Variants in IGFBP1 observed in about 807,000 individuals in gnomAD.
IGFBP1 encodes the protein insulin like growth factor binding protein 1, also known as insulin-like growth factor-binding protein 1.
In IGFBP1, 31 loss-of-function variants were observed where a neutral mutation model predicts 23.1. The ratio of observed to expected loss-of-function variants is 1.34; its 90% CI spans 1.01 to 1.81. The LOEUF (loss-of-function observed/expected upper bound fraction) is 1.81. IGFBP1 is among the 40% of genes most tolerant of loss of function. IGFBP1 has a pLI of 0.00. For missense variants in IGFBP1, 333 were observed against 342.2 expected, an observed-to-expected ratio of 0.97 and a Z score of 0.21; for synonymous variants, 148 against 145.5, an observed-to-expected ratio of 1.02 and a Z score of -0.13.
At chr7:45,890,982 G>A (rs753906934) in intron 2 of IGFBP1, among the ~76,000 whole-genome samples, 18 of 152,086 alleles carry the variant, frequency 1.2e-4, no homozygotes, top group Non-Finnish European at 4.4e-5. Context: ...CTCTCTAAAG[G>A]GTGTGAGAAC....
Position 45,888,987 on chromosome 7 carries a change from C to A in IGFBP1, c.335C>A (p.Ala112Asp). ...TGCGTGCAGGAGTCTGACGCCTCCG[C>A]TCCCCATGCTGCAGGTACCACAGTC... The part of the protein sequence containing the change: ...GACVQESDAS[A>D]PHAAEAGSPE... The change falls in exon 1 of 4, where the codon GCT (alanine) becomes GAT (aspartate). Residue 112 changes from alanine to aspartate, a missense_variant. Transcript: ENST00000275525. 6.6e-7 allele frequency: 1 copy of A among 1,517,490 alleles called. No individual in the cohort carries two copies. Among genetic ancestry groups the A allele is most frequent in the Non-Finnish European group, 8.8e-7 (1 of 1,139,276 alleles). 94.0% of individuals were successfully genotyped at this position (1,517,490 alleles called of 1,614,324 possible). A position where few individuals can be genotyped will look rare whatever the true frequency, so the allele number is the denominator to read the frequency against.
rs1448789856 is a variant in IGFBP1, at chr7:45,888,900, G to C, written c.248G>C (p.Ser83Thr). The C allele has an allele frequency of 6.7e-7, 1 of 1,500,740 alleles. No homozygotes were observed. The highest frequency in any genetic ancestry group is 1.5e-5 in the African/African-American group (1 of 68,906). 93.0% of individuals were successfully genotyped at this position (1,500,740 alleles called of 1,614,324 possible). ...ACTGCACGCTGCGCCCGGGGACTCA[G>C]TTGCCGCGCGCTGCCGGGGGAGCAG... ...VATARCARGL[S>T]CRALPGEQQP... Residue 83 changes from serine to threonine, a missense_variant, in exon 1 of 4, where the codon AGT becomes ACT. By Grantham distance (58) the Ser-to-Thr change is moderately conservative. Transcript: ENST00000275525.
At chr7:45,889,807 T>C (rs958344632) in intron 1 of IGFBP1, among the ~76,000 whole-genome samples, 1 of 152,152 alleles carries the variant, frequency 6.6e-6, no homozygotes, top group Non-Finnish European at 1.5e-5. Context: ...AGTGAGTGTG[T>C]GAGAGTCAGT....
rs1787032102 is a variant in IGFBP1 at position 45,888,979 on chromosome 7, C to A, written c.327C>A (p.Asp109Glu). The stretch of plus-strand genomic sequence containing the variant: ...AAGGCGCCTGCGTGCAGGAGTCTGA[C>A]GCCTCCGCTCCCCATGCTGCAGGTA... Reference protein sequence around the residue: ...RGQGACVQESDASAPHAAEAG... With the variant: ...RGQGACVQESEASAPHAAEAG... The change falls in exon 1 of 4, where the codon GAC becomes GAA. Residue 109 changes from aspartate to glutamate, a missense_variant. By Grantham distance (45) the Asp-to-Glu change is conservative. Transcript: ENST00000275525. 2 of 1,518,730 alleles carry A rather than the reference C, an allele frequency of 1.3e-6. No individual in the cohort carries two copies. Among genetic ancestry groups the A allele is most frequent in the East Asian group, 5.3e-5 (2 of 38,036 alleles). The allele number at this position is 1,518,730 out of a possible 1,614,324, so 94.1% of individuals were successfully genotyped here.
chr7:45,891,513 G>A (rs1313548979), intron 2 of IGFBP1, among the ~76,000 whole-genome samples: 3 of 152,192 alleles, frequency 2.0e-5, no homozygotes, highest in African/African-American at 7.2e-5. Flanking sequence ...GATTGCAGAG[G>A]AAAGTTATTC....
rs1787036065 is a variant in IGFBP1 at position 45,889,099 on chromosome 7, C to T, written c.349+98C>T. On this transcript the variant is annotated intron_variant, in intron 1 of 3. Transcript: ENST00000275525. ...CCTAACTACTGGGTGGGGCTGCAGC[C>T]GGGCAGGGGCTTGTCCACAACTAGA... 8 of 903,686 alleles carry T rather than the reference C, an allele frequency of 8.9e-6. No homozygotes were observed. In the South Asian group the frequency reaches 1.1e-4, roughly 13 times the overall value. 56.0% of individuals were successfully genotyped at this position (903,686 alleles called of 1,614,324 possible). A position where few individuals can be genotyped will look rare whatever the true frequency, so the allele number is the denominator to read the frequency against.
rs531622833 is a variant in IGFBP1, at chr7:45,893,079, T to C, written c.768T>C (p.Asn256=). ...ACCCCAACTGCCAGATATATTTTAA[T>C]GTACAAAACTGAAACCAGATGAAAT... is the stretch of plus-strand genomic sequence containing the variant. ...RGDPNCQIYF[N]VQN The change falls in exon 4 of 4, where the codon AAT becomes AAC. Residue 256 remains asparagine (N), a synonymous_variant. Coordinates refer to ENST00000275525, the MANE Select transcript of IGFBP1 (RefSeq NM_000596.4). 2.5e-4 allele frequency: 402 copies of C among 1,609,454 alleles called. 2 individuals carry two copies. In the South Asian group the frequency reaches 3.5e-3, roughly 14 times the overall value.
chr7:45,889,068 C>A (rs1419731470), intron 1 of IGFBP1, 67 bp downstream of exon 1: 3 of 1,248,076 alleles, frequency 2.4e-6, no homozygotes, highest in African/African-American at 1.6e-5. Flanking sequence ...CTCCCGCCCC[C>A]ACTCCCCTAA....
rs1428442215 is a variant in IGFBP1, at chr7:45,893,188, A to G, written c.*97A>G. On this transcript the variant is annotated 3_prime_UTR_variant, in exon 4 of 4. Transcript: ENST00000275525. ...CATTTATATATATATGTATATGTAT[A>G]TATATATAGTAACTACTTTTTATAC... The G allele has an allele frequency of 3.7e-6, 2 of 538,172 alleles. No individual in the cohort carries two copies. Among genetic ancestry groups the G allele is most frequent in the African/African-American group, 4.0e-5 (2 of 50,190 alleles). The allele number at this position is 538,172 out of a possible 1,614,324, so 33.3% of individuals were successfully genotyped here.
intron 2 of IGFBP1, among the ~76,000 whole-genome samples, chr7:45,891,522 T>G (rs1259834604): frequency 6.6e-6 from 1 of 152,252 alleles, no homozygotes; most frequent in East Asian, 1.9e-4. Flanking sequence ...GGAAAGTTAT[T>G]CAAAATCTAG....
intron 1 of IGFBP1, among the ~76,000 whole-genome samples, chr7:45,890,292 C>A (rs1283466468): frequency 6.6e-6 from 1 of 152,196 alleles, no homozygotes; most frequent in Non-Finnish European, 1.5e-5. Flanking sequence ...GCTTTAAAAG[C>A]AGAAACGTGG....
At position 45,893,172 on chromosome 7, in the gene IGFBP1, A is replaced by G. The variant is rs753251942; in HGVS notation, c.*81A>G. On this transcript the variant is annotated 3_prime_UTR_variant, in exon 4 of 4. Transcript: ENST00000275525. ...TACTCTAGAACATGCACATTTATATATATATGTATATGTATATATATATAG... is the reference window on the plus strand; with the variant it reads ...TACTCTAGAACATGCACATTTATATGTATATGTATATGTATATATATATAG... 29 of 757,838 alleles carry G rather than the reference A, an allele frequency of 3.8e-5. No individual in the cohort carries two copies. In the African/African-American group the frequency reaches 4.5e-4, roughly 12 times the overall value. 46.9% of individuals were successfully genotyped at this position (757,838 alleles called of 1,614,324 possible).
intron 3 of IGFBP1, among the ~76,000 whole-genome samples, 174 bp downstream of exon 3, chr7:45,892,234 C>T (rs1275249859): frequency 7.2e-5 from 11 of 152,212 alleles, no homozygotes; most frequent in Admixed American, 7.2e-4. Context: ...GTGAAGAAAG[C>T]CTATTGAACA....
chr7:45,888,843 C>CCCTG lies in IGFBP1; in HGVS notation c.195_198dup (p.Leu67AlafsTer44), dbSNP rs1562794922. The CCCTG allele has an allele frequency of 2.0e-6, 3 of 1,535,212 alleles. No individual in the cohort carries two copies. The South Asian group carries it at 3.6e-5, about 18-fold the overall frequency. On this transcript the variant is annotated frameshift_variant, in exon 1 of 4. Coordinates refer to ENST00000275525, the MANE Select transcript of IGFBP1 (RefSeq NM_000596.4). LOFTEE classifies it high-confidence loss of function. The stretch of plus-strand genomic sequence containing the variant: ...GGCTGCGGCTGTTGCCCGATGTGCG[C>CCCTG]CCTGCCTCTGGGCGCCGCGTGCGGC...
intron 3 of IGFBP1, among the ~76,000 whole-genome samples, chr7:45,892,585 T>C (rs1787095950): frequency 1.3e-5 from 2 of 152,204 alleles, no homozygotes; most frequent in African/African-American, 4.8e-5. Context: ...ACAGGTTCTG[T>C]AGATTTTATT....
rs1044391899 is a variant in IGFBP1 at position 45,892,812 on chromosome 7, G to A, written c.649-148G>A. The A allele has an allele frequency of 1.4e-5, 9 of 651,080 alleles. No individual in the cohort carries two copies. The African/African-American group carries it at 1.4e-4, about 10-fold the overall frequency. 40.3% of individuals were successfully genotyped at this position (651,080 alleles called of 1,614,324 possible). On this transcript the variant is annotated intron_variant, in intron 3 of 3. Transcript: ENST00000275525. ...TGAGAACCAGGAGGGTGTGAGATTTGCCTGCATCATGGGCAGCTGGTTTCA... is the reference window on the plus strand; with the variant it reads ...TGAGAACCAGGAGGGTGTGAGATTTACCTGCATCATGGGCAGCTGGTTTCA...
Position 45,888,983 on chromosome 7 carries a change from T to G in IGFBP1, c.331T>G (p.Ser111Ala). The stretch of plus-strand genomic sequence containing the variant: ...CGCCTGCGTGCAGGAGTCTGACGCC[T>G]CCGCTCCCCATGCTGCAGGTACCAC... ...QGACVQESDA[S>A]APHAAEAGSP... Residue 111 changes from serine to alanine, a missense_variant, in exon 1 of 4, where the codon TCC becomes GCC. Coordinates refer to ENST00000275525, the MANE Select transcript of IGFBP1 (RefSeq NM_000596.4). 4.6e-6 allele frequency: 7 copies of G among 1,518,136 alleles called. No individual in the cohort carries two copies. Among genetic ancestry groups the G allele is most frequent in the Non-Finnish European group, 6.1e-6 (7 of 1,139,724 alleles). 94.0% of individuals were successfully genotyped at this position (1,518,136 alleles called of 1,614,324 possible). A position where few individuals can be genotyped will look rare whatever the true frequency, so the allele number is the denominator to read the frequency against.
At chr7:45,890,135 G>A (rs1425372790) in intron 1 of IGFBP1, among the ~76,000 whole-genome samples, 1 of 152,160 alleles carries the variant, frequency 6.6e-6, no homozygotes, top group Non-Finnish European at 1.5e-5. Context: ...TCCATTCAGG[G>A]ATATTAGTAA....
chr7:45,890,595 G>A lies in IGFBP1; in HGVS notation c.397G>A (p.Glu133Lys). The A allele has an allele frequency of 6.2e-7, 1 of 1,613,726 alleles. No homozygotes were observed. The highest frequency in any genetic ancestry group is 1.7e-5 in the Admixed American group (1 of 59,986). Residue 133 changes from glutamate (E) to lysine (K), a missense_variant, in exon 2 of 4, where the codon GAG (glutamate) becomes AAG (lysine). Glu to Lys is a moderately conservative substitution (Grantham distance 56). Coordinates refer to ENST00000275525, the MANE Select transcript of IGFBP1 (RefSeq NM_000596.4). ...AGAGAGCACGGAGATAACTGAGGAG[G>A]AGCTCCTGGATAATTTCCATCTGAT... ...SPESTEITEE[E>K]LLDNFHLMAP...
Sources: gnomAD v4.1 joint callset for allele counts (sites outside exome capture counted in the v4.1 genomes callset) on GRCh38, gnomAD v4.1.1 for gene constraint, MANE v1.5 for transcripts, NCBI Gene and HGNC (gene_info 2026-07-23, HGNC 2026-07-21) for gene names.